GLIPR1L2: variants seen among roughly 807,000 people sequenced by gnomAD.
GLIPR1L2 encodes GLIPR1 like 2, also known as GLIPR1-like protein 2.
In GLIPR1L2, 21 loss-of-function variants were observed where a neutral mutation model predicts 28.4. That is an observed-to-expected ratio of 0.74 (90% CI 0.52 to 1.06). GLIPR1L2 has a LOEUF of 1.06. Ranked by LOEUF, GLIPR1L2 falls within the 50% of genes least tolerant of loss-of-function variation. The pLI, the probability that GLIPR1L2 is intolerant of heterozygous loss-of-function variation, is 0.00. For missense variants in GLIPR1L2, 476 were observed against 416.9 expected, an observed-to-expected ratio of 1.14 and a Z score of -1.23; for synonymous variants, 145 against 139.3, an observed-to-expected ratio of 1.04 and a Z score of -0.29.
intron 3 of GLIPR1L2, among the ~76,000 whole-genome samples, chr12:75,415,847 A>G (rs2045918325): frequency 6.6e-6 from 1 of 152,210 alleles, no homozygotes. Flanking sequence ...TGACCAGCTA[A>G]AGAAAACTCT....
chr12:75,403,988 G>A (rs2045770262), intron 1 of GLIPR1L2, among the ~76,000 whole-genome samples: 1 of 152,190 alleles, frequency 6.6e-6, no homozygotes, highest in Non-Finnish European at 1.5e-5. Flanking sequence ...GTGTCTGTGA[G>A]ATTACATATC....
At position 75,431,380 on chromosome 12, in the gene GLIPR1L2, T is replaced by C; in HGVS notation, c.*219T>C. On this transcript the variant is annotated 3_prime_UTR_variant, in exon 6 of 6. Transcript: ENST00000550916. ...CAAAAAACATGTAAGGTGGGCTCTT[T>C]GACACTAAGAACAGATAAAGACATG... 4.6e-6 allele frequency: 2 copies of C among 436,346 alleles called. No individual in the cohort carries two copies. Among genetic ancestry groups the C allele is most frequent in the Admixed American group, 7.9e-5 (2 of 25,242 alleles). The allele number at this position is 436,346 out of a possible 1,614,324, so 27.0% of individuals were successfully genotyped here. A position where few individuals can be genotyped will look rare whatever the true frequency, so the allele number is the denominator to read the frequency against.
chr12:75,430,606 T>G (rs1024432863), intron 4 of GLIPR1L2, 109 bp from the exon 5 acceptor site: 1 of 1,015,782 alleles, frequency 9.8e-7, no homozygotes, highest in Non-Finnish European at 1.4e-6. Flanking sequence ...ACATCAAAGA[T>G]AATGCCTGAG....
intron 4 of GLIPR1L2, among the ~76,000 whole-genome samples, chr12:75,430,163 C>A (rs2139971071): frequency 6.6e-6 from 1 of 151,990 alleles, no homozygotes; most frequent in African/African-American, 2.4e-5. Flanking sequence ...TCTCTCAGCC[C>A]AAATGAGCAG....
In GLIPR1L2 at chr12:75,406,380, T is replaced by C. The variant is rs12813336; in HGVS notation, c.235-4054T>C. Among the ~76,000 whole-genome samples the C allele has an allele frequency of 1.9e-3, 285 of 152,136 alleles. 4 individuals are homozygous for C. Among genetic ancestry groups the C allele is most frequent in the South Asian group, 0.016 (75 of 4,830 alleles). On this transcript the variant is annotated intron_variant, in intron 1 of 5. Coordinates refer to ENST00000550916, the MANE Select transcript of GLIPR1L2 (RefSeq NM_001270396.2). ...AACCATAGACTATCTCAAAGAATTT[T>C]TTCCTTTACTTTGTTTTTTTAAAAA...
At position 75,431,403 on chromosome 12, in the gene GLIPR1L2, A is replaced by C; in HGVS notation, c.*242A>C. 2.7e-6 allele frequency: 1 copy of C among 369,886 alleles called. No homozygotes were observed. The highest frequency in any genetic ancestry group is 4.2e-5 in the Admixed American group (1 of 23,730). 22.9% of individuals were successfully genotyped at this position (369,886 alleles called of 1,614,324 possible). On this transcript the variant is annotated 3_prime_UTR_variant, in exon 6 of 6. Transcript: ENST00000550916. Reference sequence around the variant, plus strand: ...TTTGACACTAAGAACAGATAAAGACATGACAGGAAAAACACTGAAAAACAT... The same window carrying C: ...TTTGACACTAAGAACAGATAAAGACCTGACAGGAAAAACACTGAAAAACAT...
At chr12:75,410,362 A>C (rs1451054635) in intron 1 of GLIPR1L2, 72 bp from the exon 2 acceptor site, 2 of 1,362,826 alleles carry the variant, frequency 1.5e-6, no homozygotes, top group Non-Finnish European at 2.0e-6. Context: ...TCTAATGATA[A>C]CTCAAGAAAA....
chr12:75,418,775 G>T (rs1173655022), intron 3 of GLIPR1L2, among the ~76,000 whole-genome samples: 2 of 152,142 alleles, frequency 1.3e-5, no homozygotes, highest in Non-Finnish European at 2.9e-5. Context: ...GGGCAGTATG[G>T]CCATTTTCAT....
chr12:75,397,480 TTG>T (rs926655706), intron 1 of GLIPR1L2, among the ~76,000 whole-genome samples: 1 of 152,016 alleles, frequency 6.6e-6, no homozygotes, highest in African/African-American at 2.4e-5. Context: ...TCAGCAGAGA[TTG>T]TGTGTGTGTG....
intron 3 of GLIPR1L2, among the ~76,000 whole-genome samples, chr12:75,418,571 T>C (rs915673648): frequency 5.9e-5 from 9 of 152,146 alleles, no homozygotes; most frequent in Non-Finnish European, 1.0e-4. Context: ...CTGAGGCCTC[T>C]GTTCTGTCCC....
At position 75,410,497 on chromosome 12, in the gene GLIPR1L2, A is replaced by G. The variant is rs1011298091; in HGVS notation, c.298A>G (p.Asn100Asp). 2 of 1,611,062 alleles carry G rather than the reference A, an allele frequency of 1.2e-6. No homozygotes were observed. The change falls in exon 2 of 6, where the codon AAT becomes GAT. Residue 100 changes from asparagine to aspartate, a missense_variant. By Grantham distance (23) the Asn-to-Asp change is conservative (BLOSUM62 1). Coordinates refer to ENST00000550916, the MANE Select transcript of GLIPR1L2 (RefSeq NM_001270396.2). ...GGGAAAAAAATGTTTGTTTACGCAT[A>G]ATATTTATTTACAAGATGTACAAAT... ...AWGKKCLFTHNIYLQDVQMVH... is the reference protein window; with the variant it reads ...AWGKKCLFTHDIYLQDVQMVH...
At chr12:75,392,155 C>T (rs1356732170) in intron 1 of GLIPR1L2, among the ~76,000 whole-genome samples, 5 of 152,136 alleles carry the variant, frequency 3.3e-5, no homozygotes, top group Non-Finnish European at 7.4e-5. Flanking sequence ...GACTACTTTC[C>T]TAGACATGTC....
intron 1 of GLIPR1L2, among the ~76,000 whole-genome samples, chr12:75,399,649 T>C (rs1566064477): frequency 6.6e-6 from 1 of 152,230 alleles, no homozygotes; most frequent in Non-Finnish European, 1.5e-5. Context: ...TCGTCTTTGG[T>C]ATGAGTTGTA....
At position 75,391,342 on chromosome 12, in the gene GLIPR1L2, C is replaced by G. The variant is rs778246921; in HGVS notation, c.226C>G (p.Arg76Gly). The change falls in exon 1 of 6, where the codon CGC becomes GGC. Residue 76 changes from arginine to glycine, a missense_variant. Coordinates refer to ENST00000550916, the MANE Select transcript of GLIPR1L2 (RefSeq NM_001270396.2). ...GDVIPRGSNL[R>G]FMTWDVALSR... ...CGTCATTCCCCGAGGGTCTAACTTG[C>G]GCTTCATGGTGAGGCCGGAAGGCGG... The G allele has an allele frequency of 1.2e-6, 2 of 1,613,580 alleles. No homozygotes were observed. Among genetic ancestry groups the G allele is most frequent in the Admixed American group, 3.3e-5 (2 of 60,008 alleles).
At chr12:75,396,314 C>A (rs1484400194) in intron 1 of GLIPR1L2, among the ~76,000 whole-genome samples, 1 of 152,108 alleles carries the variant, frequency 6.6e-6, no homozygotes, top group Non-Finnish European at 1.5e-5. Context: ...CAGGTACTCA[C>A]CACCACGCCC....
At chr12:75,413,990 C>T (rs979303283) in intron 3 of GLIPR1L2, among the ~76,000 whole-genome samples, 4 of 151,792 alleles carry the variant, frequency 2.6e-5, no homozygotes, top group African/African-American at 7.3e-5. Context: ...ATAGTTTATT[C>T]TAAAATTTAT....
chr12:75,406,752 T>G (rs1470618360), intron 1 of GLIPR1L2, among the ~76,000 whole-genome samples: 2 of 109,300 alleles, frequency 1.8e-5, no homozygotes, highest in Non-Finnish European at 3.7e-5. Context: ...AGCAAGTCCC[T>G]ATCTCAAAAA....
chr12:75,394,705 G>A (rs551911340), intron 1 of GLIPR1L2, among the ~76,000 whole-genome samples: 40 of 147,214 alleles, frequency 2.7e-4, no homozygotes, highest in Middle Eastern at 7.5e-3. Flanking sequence ...GATTATTTTG[G>A]CCATACAGGG....
At chr12:75,424,726 T>A (rs748183852) in intron 4 of GLIPR1L2, among the ~76,000 whole-genome samples, 1 of 152,084 alleles carries the variant, frequency 6.6e-6, no homozygotes, top group Non-Finnish European at 1.5e-5. Context: ...ATTATGTTTT[T>A]GTGCTGAAGA....
Sources: gnomAD v4.1 joint callset for allele counts (sites outside exome capture counted in the v4.1 genomes callset) on GRCh38, gnomAD v4.1.1 for gene constraint, MANE v1.5 for transcripts, NCBI Gene and HGNC (gene_info 2026-07-23, HGNC 2026-07-21) for gene names.